Variants in PPP1R12B observed in about 807,000 individuals in gnomAD.
The protein encoded by PPP1R12B is protein phosphatase 1 regulatory subunit 12B.
A neutral mutation model predicts 126.1 loss-of-function variants in PPP1R12B; 76 were observed. The observed-to-expected ratio is 0.60, with a 90% CI of 0.50 to 0.73. PPP1R12B has a LOEUF of 0.73. PPP1R12B is among the 30% of genes least tolerant of loss of function. The probability of loss-of-function intolerance (pLI) is 0.00; values close to 1 mark genes in which losing one functional copy is unlikely to be tolerated. For synonymous variants in PPP1R12B, 356 were observed against 434.7 expected (o/e 0.82, Z 2.25); for missense variants, 1,052 against 1,205.1 (o/e 0.87, Z 1.88).
intron 13 of PPP1R12B, among the ~76,000 whole-genome samples, chr1:202,471,371 T>C (rs1675857336): frequency 1.3e-5 from 2 of 151,882 alleles, no homozygotes; most frequent in Admixed American, 1.3e-4. Flanking sequence ...CCCCTAATAC[T>C]AATGATGCTG....
chr1:202,348,727 G>A lies in PPP1R12B; in HGVS notation c.-125G>A, dbSNP rs995821176. The A allele has an allele frequency of 2.1e-5, 26 of 1,261,618 alleles. No individual in the cohort carries two copies. The African/African-American group carries it at 3.7e-4, about 18-fold the overall frequency. 78.2% of individuals were successfully genotyped at this position (1,261,618 alleles called of 1,614,324 possible). On this transcript the variant is annotated 5_prime_UTR_variant, in exon 1 of 24. Transcript: ENST00000608999. ...ACTACTGGCGGGAGGAGTAAAGATG[G>A]CGGCGCGAGGGTCTCCGCCCTCTGC...
At chr1:202,503,544 T>TA (rs1470045458) in intron 18 of PPP1R12B, among the ~76,000 whole-genome samples, 1 of 152,160 alleles carries the variant, frequency 6.6e-6, no homozygotes, top group African/African-American at 2.4e-5. Context: ...GATTGGATTT[T>TA]AAAACCATGA....
intron 23 of PPP1R12B, among the ~76,000 whole-genome samples, chr1:202,570,958 T>C (rs1417720360): frequency 6.6e-6 from 1 of 152,204 alleles, no homozygotes; most frequent in Non-Finnish European, 1.5e-5. Flanking sequence ...TTAAGAAATG[T>C]CCTAAATGCT....
intron 14 of PPP1R12B, among the ~76,000 whole-genome samples, chr1:202,489,156 A>G (rs2148840062): frequency 6.6e-6 from 1 of 152,368 alleles, no homozygotes; most frequent in Non-Finnish European, 1.5e-5. Context: ...ATTTACAGCT[A>G]CATCTACCCA....
At position 202,488,523 on chromosome 1, in the gene PPP1R12B, T is replaced by A. The variant is rs1177264043; in HGVS notation, c.1851-10T>A. 1 of 1,590,218 alleles carries A rather than the reference T, an allele frequency of 6.3e-7. No homozygotes were observed. The highest frequency in any genetic ancestry group is 8.6e-7 in the Non-Finnish European group (1 of 1,161,928). On this transcript the variant is annotated splice_polypyrimidine_tract_variant and intron_variant, in intron 13 of 23. Transcript: ENST00000608999. ...ATCTTGCTTTTGCTATTACTTTTTT[T>A]TCTCTGCAGGTCCTATCTGACTCCT...
intron 2 of PPP1R12B, among the ~76,000 whole-genome samples, chr1:202,422,225 A>T (rs1244182390): frequency 6.6e-6 from 1 of 152,230 alleles, no homozygotes; most frequent in Non-Finnish European, 1.5e-5. Context: ...AGGCAGATTT[A>T]TGCAAATTTT....
At chr1:202,523,705 TTTG>T (rs1203479243) in intron 18 of PPP1R12B, among the ~76,000 whole-genome samples, 2 of 152,130 alleles carry the variant, frequency 1.3e-5, no homozygotes, top group African/African-American at 2.4e-5. Context: ...TGTTTTTTTG[TTTG>T]TTTTTTGTTT....
intron 20 of PPP1R12B, among the ~76,000 whole-genome samples, chr1:202,563,213 T>G (rs1344369321): frequency 6.6e-6 from 1 of 152,114 alleles, no homozygotes; most frequent in Non-Finnish European, 1.5e-5. Flanking sequence ...AACTCCTGGG[T>G]TCATAGGGTC....
At chr1:202,371,675 T>C (rs1263875397) in intron 1 of PPP1R12B, among the ~76,000 whole-genome samples, 4 of 152,144 alleles carry the variant, frequency 2.6e-5, no homozygotes, top group Admixed American at 1.3e-4. Context: ...ATAAACTTTT[T>C]ATTTAGAAGT....
chr1:202,551,593 C>A (rs1686330264), intron 18 of PPP1R12B, among the ~76,000 whole-genome samples: 1 of 151,868 alleles, frequency 6.6e-6, no homozygotes, highest in South Asian at 2.1e-4. Context: ...AAAGTCCTCA[C>A]CTGATCTGTA....
intron 1 of PPP1R12B, among the ~76,000 whole-genome samples, chr1:202,376,208 C>G (rs776772362): frequency 6.6e-6 from 1 of 151,954 alleles, no homozygotes; most frequent in East Asian, 1.9e-4. Context: ...CTTAATAATT[C>G]TTGTTTTAGG....
At chr1:202,520,834 G>A (rs1447961893) in intron 18 of PPP1R12B, among the ~76,000 whole-genome samples, 1 of 152,088 alleles carries the variant, frequency 6.6e-6, no homozygotes, top group Non-Finnish European at 1.5e-5. Flanking sequence ...AAAATACATA[G>A]TTATTCTTAA....
At chr1:202,448,951 A>G in intron 12 of PPP1R12B, 38 bp from the exon 13 acceptor site, 3 of 1,597,190 alleles carry the variant, frequency 1.9e-6, no homozygotes, top group Non-Finnish European at 8.6e-7. Flanking sequence ...TAGCATGCCT[A>G]ACCATTTCCT....
intron 12 of PPP1R12B, among the ~76,000 whole-genome samples, chr1:202,446,236 C>CTCTCTCTATA (rs1491246158): frequency 8.0e-5 from 7 of 88,042 alleles, no homozygotes; most frequent in South Asian, 5.7e-4. Context: ...CTCTCTCTCT[C>CTCTCTCTATA]TATATATATA....
intron 1 of PPP1R12B, among the ~76,000 whole-genome samples, chr1:202,362,666 T>TG: frequency 6.6e-6 from 1 of 151,900 alleles, no homozygotes; most frequent in African/African-American, 2.4e-5. Flanking sequence ...TTTGTTTTTT[T>TG]TTTTTGTAAT....
At chr1:202,484,639 C>T (rs756405649) in intron 13 of PPP1R12B, among the ~76,000 whole-genome samples, 87 of 152,104 alleles carry the variant, frequency 5.7e-4, no homozygotes, top group Admixed American at 1.2e-3. Context: ...CCAGTTATAC[C>T]ATTCTCTTAA....
chr1:202,531,118 CAGA>C (rs753560670), intron 18 of PPP1R12B, among the ~76,000 whole-genome samples: 12 of 152,244 alleles, frequency 7.9e-5, no homozygotes, highest in East Asian at 3.9e-4. Flanking sequence ...ATGGAAAAAT[CAGA>C]AGAAGAAGAA....
At chr1:202,525,222 T>C (rs1683195697) in intron 18 of PPP1R12B, among the ~76,000 whole-genome samples, 2 of 152,178 alleles carry the variant, frequency 1.3e-5, no homozygotes, top group South Asian at 4.1e-4. Context: ...CCTGTTAGAT[T>C]TCCAACTGGA....
At chr1:202,545,301 G>C (rs1685535197) in intron 18 of PPP1R12B, among the ~76,000 whole-genome samples, 1 of 152,204 alleles carries the variant, frequency 6.6e-6, no homozygotes, top group Admixed American at 6.5e-5. Context: ...GGGAATAAAA[G>C]TAGCTTTCCC....
Sources: gnomAD v4.1 joint callset for allele counts (sites outside exome capture counted in the v4.1 genomes callset) on GRCh38, gnomAD v4.1.1 for gene constraint, MANE v1.5 for transcripts, NCBI Gene and HGNC (gene_info 2026-07-23, HGNC 2026-07-21) for gene names.